Variants in EPHA6 observed in about 807,000 individuals in gnomAD.
The protein encoded by EPHA6 is EPH receptor A6.
A neutral mutation model predicts 112.0 loss-of-function variants in EPHA6; 50 were observed. That is an observed-to-expected ratio of 0.45 (90% CI 0.36 to 0.56). The LOEUF (loss-of-function observed/expected upper bound fraction) is 0.56. Among genes scored for constraint, EPHA6 ranks in the 20% least tolerant of loss-of-function variants. EPHA6 has a pLI of 0.00. For missense variants in EPHA6, 1,280 were observed against 1,417.4 expected (o/e 0.90, Z 1.56); for synonymous variants, 529 against 490.7 (o/e 1.08, Z -1.03).
intron 14 of EPHA6, among the ~76,000 whole-genome samples, chr3:97,660,884 A>C (rs535366973): frequency 6.6e-6 from 1 of 152,276 alleles, no homozygotes; most frequent in African/African-American, 2.4e-5. Context: ...CTTCTAATTA[A>C]AATTAGTAAA....
rs556960809 is a variant in EPHA6, at chr3:97,500,649, T to A, written c.2200+16590T>A. Among the ~76,000 whole-genome samples the A allele has an allele frequency of 2.0e-5, 3 of 152,236 alleles. No homozygotes were observed. The East Asian group carries it at 5.8e-4, about 29-fold the overall frequency. ...GATGGAGAGACAGATCCAAACCATA[T>A]CATGGTAGTAGATATTATGAAGAAG... On this transcript the variant is annotated intron_variant, in intron 10 of 17. Coordinates refer to ENST00000389672, the MANE Select transcript of EPHA6 (RefSeq NM_001080448.3).
chr3:97,159,493 T>G (rs2076364611), intron 3 of EPHA6, among the ~76,000 whole-genome samples: 1 of 152,184 alleles, frequency 6.6e-6, no homozygotes. Flanking sequence ...GTGGTGCTAC[T>G]TCTATTTTCA....
chr3:97,104,481 C>G (rs1163228517), intron 3 of EPHA6, among the ~76,000 whole-genome samples: 1 of 151,954 alleles, frequency 6.6e-6, no homozygotes, highest in African/African-American at 2.4e-5. Context: ...AAACTTGCAT[C>G]CCAGGGATGA....
At chr3:97,324,537 C>CTTTCTCTT (rs2082325485) in intron 5 of EPHA6, among the ~76,000 whole-genome samples, 1 of 148,480 alleles carries the variant, frequency 6.7e-6, no homozygotes, top group Non-Finnish European at 1.5e-5. Flanking sequence ...TTCTTTCTCT[C>CTTTCTCTT]TTTCTCTCTT....
intron 2 of EPHA6, among the ~76,000 whole-genome samples, chr3:96,942,055 G>T (rs1282474123): frequency 6.6e-6 from 1 of 152,176 alleles, no homozygotes; most frequent in African/African-American, 2.4e-5. Flanking sequence ...AGGCTGCTCG[G>T]GGGTCAGGGA....
intron 3 of EPHA6, among the ~76,000 whole-genome samples, chr3:97,185,582 T>A (rs1228466395): frequency 1.3e-5 from 2 of 151,986 alleles, no homozygotes; most frequent in Non-Finnish European, 2.9e-5. Flanking sequence ...GGAGAGGATG[T>A]GGAGAAACAG....
At chr3:97,240,108 T>A (rs970125992) in intron 4 of EPHA6, among the ~76,000 whole-genome samples, 14 of 151,650 alleles carry the variant, frequency 9.2e-5, no homozygotes, top group Non-Finnish European at 1.8e-4. Flanking sequence ...ATAGAAAAAA[T>A]TTAATAAACA....
At chr3:97,032,557 C>A (rs2044906728) in intron 3 of EPHA6, among the ~76,000 whole-genome samples, 1 of 152,040 alleles carries the variant, frequency 6.6e-6, no homozygotes, top group Non-Finnish European at 1.5e-5. Context: ...ACATGAAGGT[C>A]ACAATTCCTA....
chr3:97,005,599 AC>A (rs1466350660), intron 3 of EPHA6, among the ~76,000 whole-genome samples: 1 of 152,032 alleles, frequency 6.6e-6, no homozygotes, highest in Non-Finnish European at 1.5e-5. Context: ...CTATTTGAAT[AC>A]CCTTTGTTTC....
chr3:97,056,342 A>G (rs1292911518), intron 3 of EPHA6, among the ~76,000 whole-genome samples: 1 of 152,154 alleles, frequency 6.6e-6, no homozygotes, highest in African/African-American at 2.4e-5. Context: ...CTCACCCTAA[A>G]TTTGACATCC....
chr3:96,923,128 T>G (rs1379622084), intron 2 of EPHA6, among the ~76,000 whole-genome samples: 1 of 152,208 alleles, frequency 6.6e-6, no homozygotes, highest in Non-Finnish European at 1.5e-5. Flanking sequence ...TATAATAGAT[T>G]GACTTATATT....
At chr3:97,122,876 A>G (rs2048081318) in intron 3 of EPHA6, among the ~76,000 whole-genome samples, 1 of 152,084 alleles carries the variant, frequency 6.6e-6, no homozygotes, top group Non-Finnish European at 1.5e-5. Context: ...CTGCTGTTTT[A>G]TGAAAAATAA....
At chr3:96,904,470 G>C (rs2038811734) in intron 2 of EPHA6, among the ~76,000 whole-genome samples, 1 of 110,782 alleles carries the variant, frequency 9.0e-6, no homozygotes, top group African/African-American at 3.4e-5. Context: ...GGTGGGGGGA[G>C]GGGGGAGGGA....
intron 16 of EPHA6, among the ~76,000 whole-genome samples, chr3:97,746,506 C>T (rs1394816862): frequency 6.6e-6 from 1 of 151,710 alleles, no homozygotes; most frequent in African/African-American, 2.4e-5. Context: ...TTCTGAGTTA[C>T]TTTTACCAGA....
At chr3:97,486,591 G>A (rs1426278941) in intron 10 of EPHA6, among the ~76,000 whole-genome samples, 1 of 152,136 alleles carries the variant, frequency 6.6e-6, no homozygotes, top group Non-Finnish European at 1.5e-5. Flanking sequence ...AGAGAAAAAG[G>A]GGGCTGACCT....
intron 6 of EPHA6, among the ~76,000 whole-genome samples, chr3:97,433,609 G>T (rs1230026585): frequency 6.6e-6 from 1 of 152,122 alleles, no homozygotes; most frequent in Non-Finnish European, 1.5e-5. Flanking sequence ...AAAGCAGTAG[G>T]ATGTACCTTG....
At chr3:97,302,848 T>C (rs1239427540) in intron 5 of EPHA6, among the ~76,000 whole-genome samples, 1 of 151,982 alleles carries the variant, frequency 6.6e-6, no homozygotes, top group African/African-American at 2.4e-5. Flanking sequence ...TAAATTATAC[T>C]ATGCAGTTAG....
At chr3:97,050,014 C>T (rs1046240778) in intron 3 of EPHA6, among the ~76,000 whole-genome samples, 4 of 152,104 alleles carry the variant, frequency 2.6e-5, no homozygotes, top group African/African-American at 4.8e-5. Flanking sequence ...AGAGTGTTAA[C>T]GAGTAAGAAA....
At chr3:97,154,095 A>G (rs1352782485) in intron 3 of EPHA6, among the ~76,000 whole-genome samples, 2 of 151,466 alleles carry the variant, frequency 1.3e-5, no homozygotes, top group Non-Finnish European at 2.9e-5. Context: ...AATCCAGTAG[A>G]TGGAGGTTGC....
Sources: gnomAD v4.1 joint callset for allele counts (sites outside exome capture counted in the v4.1 genomes callset) on GRCh38, gnomAD v4.1.1 for gene constraint, MANE v1.5 for transcripts, NCBI Gene and HGNC (gene_info 2026-07-23, HGNC 2026-07-21) for gene names.